Variants in MAP3K14 observed in about 807,000 individuals in gnomAD.
MAP3K14 encodes the protein mitogen-activated protein kinase kinase kinase 14.
In MAP3K14, 16 loss-of-function variants were observed where a neutral mutation model predicts 99.2. That is an observed-to-expected ratio of 0.16 (90% CI 0.11 to 0.24). MAP3K14 has a LOEUF of 0.24. Ranked by LOEUF, MAP3K14 falls within the 10% of genes least tolerant of loss-of-function variation. The pLI, the probability that MAP3K14 is intolerant of heterozygous loss-of-function variation, is 1.00. For missense variants in MAP3K14, 784 were observed against 1,208.7 expected (o/e 0.65, Z 5.21); for synonymous variants, 462 against 492.4 (o/e 0.94, Z 0.82).
In MAP3K14 at chr17:45,264,389, C is replaced by T; in HGVS notation, c.*247G>A. The T allele has an allele frequency of 4.0e-6, 2 of 495,966 alleles. No individual in the cohort carries two copies. Among genetic ancestry groups the T allele is most frequent in the Non-Finnish European group, 7.2e-6 (2 of 277,208 alleles). The allele number at this position is 495,966 out of a possible 1,614,324, so 30.7% of individuals were successfully genotyped here. On this transcript the variant is annotated 3_prime_UTR_variant, in exon 16 of 16. Coordinates refer to ENST00000344686, the MANE Select transcript of MAP3K14 (RefSeq NM_003954.5). ...ATCCTGTTTGTTTCCCGAGGTAACT[C>T]CTGCCATCCTCCTCTGTCTCTTCAC... is the stretch of plus-strand genomic sequence containing the variant.
intron 1 of MAP3K14, among the ~76,000 whole-genome samples, chr17:45,311,430 C>T (rs2044478085): frequency 6.6e-6 from 1 of 152,154 alleles, no homozygotes; most frequent in African/African-American, 2.4e-5. Context: ...TGTCCCTGAC[C>T]ATAATCGGTC....
chr17:45,271,741 C>G (rs942984507), intron 9 of MAP3K14, among the ~76,000 whole-genome samples: 1 of 152,342 alleles, frequency 6.6e-6, no homozygotes, highest in South Asian at 2.1e-4. Flanking sequence ...TACAAAGTAA[C>G]AGAGCATCCA....
In MAP3K14 at chr17:45,287,241, G is replaced by GCTC; in HGVS notation, c.447_449dup (p.Lys149_Ser150insArg). On this transcript the variant is annotated inframe_insertion, in exon 4 of 16. Transcript: ENST00000344686. ...CTCCTGCATGAGCCAGGGACTTTGA[G>GCTC]CTCTTCTTCTTCCGTTTCTTCCGGG... 7 of 1,614,008 alleles carry GCTC rather than the reference G, an allele frequency of 4.3e-6. No homozygotes were observed. Among genetic ancestry groups the GCTC allele is most frequent in the Non-Finnish European group, 5.9e-6 (7 of 1,179,886 alleles).
chr17:45,304,875 A>G (rs1282674463), intron 1 of MAP3K14, among the ~76,000 whole-genome samples: 5 of 152,132 alleles, frequency 3.3e-5, no homozygotes, highest in Non-Finnish European at 7.4e-5. Flanking sequence ...GAGACTCAGG[A>G]GTCTTATCTG....
At chr17:45,276,668 T>C (rs1178457916) in intron 6 of MAP3K14, among the ~76,000 whole-genome samples, 1 of 147,640 alleles carries the variant, frequency 6.8e-6, no homozygotes, top group Admixed American at 6.7e-5. Flanking sequence ...CCTGCCACTA[T>C]GCACAGCTAA....
At chr17:45,284,338 CAG>C (rs530041469) in intron 6 of MAP3K14, among the ~76,000 whole-genome samples, 3 of 152,242 alleles carry the variant, frequency 2.0e-5, no homozygotes, top group Non-Finnish European at 4.4e-5. Context: ...GCCTGGCCAA[CAG>C]GGGGCACAGC....
intron 9 of MAP3K14, 44 bp downstream of exon 9, chr17:45,273,459 G>T: frequency 1.4e-6 from 2 of 1,442,770 alleles, no homozygotes; most frequent in Non-Finnish European, 1.9e-6. Context: ...GGCATTTGGC[G>T]AATGAATGCA....
chr17:45,284,824 G>A lies in MAP3K14; in HGVS notation c.1278C>T (p.Cys426=), dbSNP rs545902026. 14 of 1,595,118 alleles carry A rather than the reference G, an allele frequency of 8.8e-6. No homozygotes were observed. The highest frequency in any genetic ancestry group is 8.0e-5 in the South Asian group (7 of 87,442). The change falls in exon 6 of 16, where the codon TGC becomes TGT. Residue 426 remains cysteine, a synonymous_variant. Transcript: ENST00000344686. ...AGCCCTGGCGTACCTTTTTGACAGC[G>A]CACTGGAAGCCAGTCTGCTTGTCCT... ...RMEDKQTGFQ[C]AVKKVRLEVF... is the part of the protein sequence containing the mutation.
At chr17:45,300,357 TC>T (rs146281532) in intron 1 of MAP3K14, among the ~76,000 whole-genome samples, 4,461 of 152,300 alleles carry the variant, frequency 0.029, 238 homozygotes, top group African/African-American at 0.1. Context: ...TCTTGAAACA[TC>T]GTGTACTTAA....
chr17:45,305,387 C>T (rs1169353171), intron 1 of MAP3K14, among the ~76,000 whole-genome samples: 1 of 145,198 alleles, frequency 6.9e-6, no homozygotes, highest in Non-Finnish European at 1.5e-5. Context: ...TGAGCCACAG[C>T]GCCCGGCCGT....
chr17:45,306,965 A>G (rs1454763171), intron 1 of MAP3K14, among the ~76,000 whole-genome samples: 2 of 152,240 alleles, frequency 1.3e-5, no homozygotes, highest in Non-Finnish European at 2.9e-5. Context: ...TATTGTATAA[A>G]AAATTTTTCA....
intron 1 of MAP3K14, among the ~76,000 whole-genome samples, chr17:45,310,754 T>C (rs2044469688): frequency 6.6e-6 from 1 of 152,200 alleles, no homozygotes; most frequent in Non-Finnish European, 1.5e-5. Flanking sequence ...ACTGCTTGGC[T>C]AGGTAGGAAA....
chr17:45,299,777 A>G (rs1458585180), intron 1 of MAP3K14, among the ~76,000 whole-genome samples: 1 of 152,132 alleles, frequency 6.6e-6, no homozygotes, highest in Non-Finnish European at 1.5e-5. Context: ...AAAAAGAAAC[A>G]AATCTGACAT....
chr17:45,302,370 C>T (rs778110014), intron 1 of MAP3K14, among the ~76,000 whole-genome samples: 4 of 152,080 alleles, frequency 2.6e-5, no homozygotes, highest in Admixed American at 6.6e-5. Flanking sequence ...TGCAACGGTG[C>T]GATCTTGGCT....
Position 45,287,036 on chromosome 17 carries a change from A to T in MAP3K14, c.547T>A (p.Ser183Thr). The change falls in exon 5 of 16, where the codon TCT (serine) becomes ACT (threonine). Residue 183 changes from serine (S) to threonine (T), a missense_variant. Ser to Thr is a moderately conservative substitution (Grantham distance 58, BLOSUM62 1). Coordinates refer to ENST00000344686, the MANE Select transcript of MAP3K14 (RefSeq NM_003954.5). ...SCTIPVQEDESPLGAPYVRNT... is the reference protein window; with the variant it reads ...SCTIPVQEDETPLGAPYVRNT... ...CTAACATATGGGGCGCCGAGTGGAG[A>T]CTCATCCTCCTGCGGGGGGAAACAC... is the stretch of plus-strand genomic sequence containing the variant. 1 of 1,610,634 alleles carries T rather than the reference A, an allele frequency of 6.2e-7. No individual in the cohort carries two copies. Among genetic ancestry groups the T allele is most frequent in the African/African-American group, 1.3e-5 (1 of 74,758 alleles).
intron 1 of MAP3K14, among the ~76,000 whole-genome samples, chr17:45,316,613 G>T (rs2044535538): frequency 6.6e-6 from 1 of 152,220 alleles, no homozygotes; most frequent in African/African-American, 2.4e-5. Context: ...CATCCTGGGG[G>T]CACTGGGGCG....
intron 1 of MAP3K14, among the ~76,000 whole-genome samples, chr17:45,315,339 G>A (rs1022431086): frequency 3.3e-5 from 5 of 152,104 alleles, no homozygotes; most frequent in African/African-American, 1.2e-4. Context: ...AAGATGGCCT[G>A]AAGCTTGGCA....
rs2143753692 is a variant in MAP3K14, at chr17:45,264,027, C to T, written c.*609G>A. On this transcript the variant is annotated 3_prime_UTR_variant, in exon 16 of 16. Coordinates refer to ENST00000344686, the MANE Select transcript of MAP3K14 (RefSeq NM_003954.5). ...AACTCAGGACCTGTGTTGCAACAAC[C>T]TGAAAAGTGTGGTGTATTCTACCAG... is the stretch of plus-strand genomic sequence containing the variant. The T allele has an allele frequency of 6.6e-6, 1 of 152,432 alleles. No homozygotes were observed. Among genetic ancestry groups the T allele is most frequent in the South Asian group, 2.1e-4 (1 of 4,836 alleles). The allele number at this position is 152,432 out of a possible 1,614,324, so 9.4% of individuals were successfully genotyped here.
At position 45,277,134 on chromosome 17, in the gene MAP3K14, GCTT is replaced by G. The variant is rs1171128191; in HGVS notation, c.1291-2544_1291-2542del. Among the ~76,000 whole-genome samples, 7 of 151,978 alleles carry G rather than the reference GCTT, an allele frequency of 4.6e-5. No homozygotes were observed. The South Asian group carries it at 6.2e-4, about 14-fold the overall frequency. On this transcript the variant is annotated intron_variant, in intron 6 of 15. Transcript: ENST00000344686. ...TGAGCCACTGCGCACGGCCTCTTAG[GCTT>G]CTTCTTCTTTTTTTTAATTTTATTT...
Sources: gnomAD v4.1 joint callset for allele counts (sites outside exome capture counted in the v4.1 genomes callset) on GRCh38, gnomAD v4.1.1 for gene constraint, MANE v1.5 for transcripts, NCBI Gene and HGNC (gene_info 2026-07-23, HGNC 2026-07-21) for gene names.